The following TBC1D22A variants were observed in gnomAD, a reference collection of about 807,000 sequenced individuals.
TBC1D22A encodes TBC1 domain family member 22A.
TBC1D22A carries 38 observed loss-of-function variants against 60.2 expected under a neutral mutation model. The observed-to-expected ratio is 0.63, with a 90% CI of 0.49 to 0.83. The LOEUF is 0.83. Among genes scored for constraint, TBC1D22A ranks in the 40% least tolerant of loss-of-function variants. The probability of loss-of-function intolerance (pLI) is 0.00; values close to 1 mark genes in which losing one functional copy is unlikely to be tolerated. For missense variants in TBC1D22A, 628 were observed against 701.0 expected (o/e 0.90, Z 1.18); for synonymous variants, 302 against 281.7 (o/e 1.07, Z -0.72).
At chr22:46,964,827 A>G (rs1864418904) in intron 8 of TBC1D22A, among the ~76,000 whole-genome samples, 1 of 152,222 alleles carries the variant, frequency 6.6e-6, no homozygotes, top group Admixed American at 6.5e-5. Context: ...GATTCCTGGC[A>G]AGGCCATGCC....
In TBC1D22A at chr22:47,068,363, G is replaced by A. The variant is rs980572710; in HGVS notation, c.1329+31165G>A. Among the ~76,000 whole-genome samples, 10 of 152,338 alleles carry A rather than the reference G, an allele frequency of 6.6e-5. No homozygotes were observed. In the East Asian group the frequency reaches 1.2e-3, roughly 18 times the overall value. ...GTTACCAAAGGCCATCAGGAGAGCC[G>A]GTGTCACCAAAGGAAGTCATGTTTC... On this transcript the variant is annotated intron_variant, in intron 11 of 12. Coordinates refer to ENST00000337137, the MANE Select transcript of TBC1D22A (RefSeq NM_014346.5).
intron 7 of TBC1D22A, 146 bp from the exon 8 acceptor site, chr22:46,911,928 A>AG (rs1438148136): frequency 1.7e-6 from 1 of 574,014 alleles, no homozygotes. Context: ...CAAAAAAAAA[A>AG]AAAAATTGAT....
intron 10 of TBC1D22A, among the ~76,000 whole-genome samples, chr22:47,017,054 G>A (rs926002670): frequency 6.6e-6 from 1 of 152,246 alleles, no homozygotes; most frequent in Non-Finnish European, 1.5e-5. Context: ...TTTTCTGGCC[G>A]TGAGGAAAAG....
chr22:46,806,831 G>T (rs1169756402), intron 4 of TBC1D22A, among the ~76,000 whole-genome samples: 2 of 152,188 alleles, frequency 1.3e-5, no homozygotes, highest in Admixed American at 1.3e-4. Context: ...TCTGGAGTGG[G>T]TAGAATAGTG....
At chr22:46,817,444 C>T (rs117732262) in intron 4 of TBC1D22A, among the ~76,000 whole-genome samples, 2,782 of 152,194 alleles carry the variant, frequency 0.018, 33 homozygotes, top group Non-Finnish European at 0.03. Flanking sequence ...TGTGTTGTTC[C>T]GCTCTCTGTG....
chr22:47,151,309 A>C (rs896924293), intron 12 of TBC1D22A, among the ~76,000 whole-genome samples: 12 of 152,250 alleles, frequency 7.9e-5, no homozygotes, highest in Non-Finnish European at 1.3e-4. Context: ...TTCCCGGCGC[A>C]CTCACGCAGA....
At chr22:46,766,084 G>T (rs1468186774) in intron 1 of TBC1D22A, among the ~76,000 whole-genome samples, 1 of 150,756 alleles carries the variant, frequency 6.6e-6, no homozygotes, top group African/African-American at 2.4e-5. Context: ...TGCAAGCTCC[G>T]CCTCCCGGGT....
chr22:47,054,562 C>T (rs2063326095), intron 11 of TBC1D22A, among the ~76,000 whole-genome samples: 1 of 152,242 alleles, frequency 6.6e-6, no homozygotes, highest in Non-Finnish European at 1.5e-5. Context: ...CGGCCAAGAG[C>T]CTTCCCAGCG....
chr22:46,843,035 G>A (rs1241039286), intron 4 of TBC1D22A, among the ~76,000 whole-genome samples: 1 of 152,240 alleles, frequency 6.6e-6, no homozygotes, highest in African/African-American at 2.4e-5. Context: ...CGAGCACACT[G>A]TGCGTACCTG....
At chr22:46,875,963 T>C (rs533024029) in intron 4 of TBC1D22A, among the ~76,000 whole-genome samples, 17 of 151,640 alleles carry the variant, frequency 1.1e-4, no homozygotes, top group African/African-American at 3.6e-4. Flanking sequence ...TGACCCCCCC[T>C]GTCATTGGCG....
intron 4 of TBC1D22A, among the ~76,000 whole-genome samples, chr22:46,815,755 A>G (rs1469712854): frequency 6.6e-6 from 1 of 152,152 alleles, no homozygotes; most frequent in African/African-American, 2.4e-5. Flanking sequence ...ACCAGGCAAA[A>G]CAGGAAAATT....
intron 4 of TBC1D22A, among the ~76,000 whole-genome samples, chr22:46,840,470 C>T (rs892151367): frequency 6.6e-5 from 10 of 152,200 alleles, no homozygotes; most frequent in African/African-American, 1.4e-4. Flanking sequence ...GGTGGTGGCT[C>T]ACGCCTGTAA....
At chr22:46,839,717 A>T (rs759509989) in intron 4 of TBC1D22A, among the ~76,000 whole-genome samples, 3 of 152,260 alleles carry the variant, frequency 2.0e-5, no homozygotes, top group Admixed American at 6.5e-5. Context: ...TAGATTATCA[A>T]AACAGTATGA....
chr22:46,892,633 C>T lies in TBC1D22A; in HGVS notation c.837+1239C>T, dbSNP rs2068463468. Among the ~76,000 whole-genome samples, 3 of 152,222 alleles carry T rather than the reference C, an allele frequency of 2.0e-5. No homozygotes were observed. In the South Asian group the frequency reaches 6.2e-4, roughly 32 times the overall value. ...GCTTACCTGGCCTCTTTTGCCACTCCACTGGTTTTAGGAAATTGATAAATT... is the reference window on the plus strand; with the variant it reads ...GCTTACCTGGCCTCTTTTGCCACTCTACTGGTTTTAGGAAATTGATAAATT... On this transcript the variant is annotated intron_variant, in intron 6 of 12. Transcript: ENST00000337137.
At chr22:47,046,789 A>G (rs1410071480) in intron 11 of TBC1D22A, among the ~76,000 whole-genome samples, 1 of 152,188 alleles carries the variant, frequency 6.6e-6, no homozygotes, top group Non-Finnish European at 1.5e-5. Flanking sequence ...GATCATCTCC[A>G]GGGACCCCTC....
Position 47,085,068 on chromosome 22 carries a change from G to T in TBC1D22A, c.1330-26440G>T, listed in dbSNP as rs111985870. 9.0e-3 allele frequency among the ~76,000 whole-genome samples: 1,377 copies of T among 152,318 alleles called. 15 individuals carry two copies. Among genetic ancestry groups the T allele is most frequent in the African/African-American group, 0.032 (1,314 of 41,564 alleles). ...GCTAAGGCAGGCGGATCGCCTGAAGGTCAGGAGTTTGAGACCAGCCTGGCC... is the reference window on the plus strand; with the variant it reads ...GCTAAGGCAGGCGGATCGCCTGAAGTTCAGGAGTTTGAGACCAGCCTGGCC... On this transcript the variant is annotated intron_variant, in intron 11 of 12. Coordinates refer to ENST00000337137, the MANE Select transcript of TBC1D22A (RefSeq NM_014346.5).
intron 4 of TBC1D22A, among the ~76,000 whole-genome samples, chr22:46,805,971 ACCT>A (rs990624310): frequency 6.7e-6 from 1 of 149,996 alleles, no homozygotes; most frequent in Non-Finnish European, 1.5e-5. Flanking sequence ...TCCTGCCTCA[ACCT>A]CCTGAGTAGC....
intron 4 of TBC1D22A, among the ~76,000 whole-genome samples, chr22:46,836,895 A>C (rs2086546498): frequency 6.6e-6 from 1 of 151,998 alleles, no homozygotes; most frequent in Non-Finnish European, 1.5e-5. Context: ...GCAGTGGCTC[A>C]TGCCTATAAT....
chr22:47,159,417 CACAG>C (rs2067873956), intron 12 of TBC1D22A, among the ~76,000 whole-genome samples: 1 of 151,558 alleles, frequency 6.6e-6, no homozygotes, highest in South Asian at 2.1e-4. Context: ...CATGTATACA[CACAG>C]ACACCATACA....
Sources: gnomAD v4.1 joint callset for allele counts (sites outside exome capture counted in the v4.1 genomes callset) on GRCh38, gnomAD v4.1.1 for gene constraint, MANE v1.5 for transcripts, NCBI Gene and HGNC (gene_info 2026-07-23, HGNC 2026-07-21) for gene names.